Variants in ANKS1A observed in about 807,000 individuals in gnomAD.
ANKS1A encodes ankyrin repeat and sterile alpha motif domain containing 1A, also known as ankyrin repeat and SAM domain-containing protein 1A.
In ANKS1A, 55 loss-of-function variants were observed where a neutral mutation model predicts 120.3. That is an observed-to-expected ratio of 0.46 (90% CI 0.37 to 0.57). ANKS1A has a LOEUF of 0.57. Among genes scored for constraint, ANKS1A ranks in the 20% least tolerant of loss-of-function variants. The pLI, the probability that ANKS1A is intolerant of heterozygous loss-of-function variation, is 0.00. For missense variants in ANKS1A, 1,123 were observed against 1,480.3 expected (o/e 0.76, Z 3.96); for synonymous variants, 590 against 604.7 (o/e 0.98, Z 0.36).
chr6:34,953,580 T>A lies in ANKS1A; in HGVS notation c.198-13659T>A, dbSNP rs142141811. On this transcript the variant is annotated intron_variant, in intron 1 of 23. Transcript: ENST00000360359. ...CTTCCCTTTTTCTTGCTAATGGCAT[T>A]CCATTCATCCATCATCACTTTACAG... 5.6e-3 allele frequency among the ~76,000 whole-genome samples: 852 copies of A among 152,346 alleles called. 8 individuals carry two copies. Among genetic ancestry groups the A allele is most frequent in the Non-Finnish European group, 9.6e-3 (656 of 68,022 alleles).
chr6:34,921,842 C>G (rs1425899619), intron 1 of ANKS1A, among the ~76,000 whole-genome samples: 3 of 152,108 alleles, frequency 2.0e-5, no homozygotes, highest in Admixed American at 1.3e-4. Context: ...GACTGAGGTG[C>G]ACACCGCCAT....
chr6:35,057,624 T>G lies in ANKS1A; in HGVS notation c.2078-2523T>G, dbSNP rs1325972602. Among the ~76,000 whole-genome samples the G allele has an allele frequency of 6.6e-6, 1 of 152,208 alleles. No homozygotes were observed. The highest frequency in any genetic ancestry group is 2.4e-5 in the African/African-American group (1 of 41,466). ...TTGGGATTTGGCCCTGGTTTCCCCCTTGCCCTTGGCCATCGCTGTCCTCCC... is the reference window on the plus strand; with the variant it reads ...TTGGGATTTGGCCCTGGTTTCCCCCGTGCCCTTGGCCATCGCTGTCCTCCC... On this transcript the variant is annotated intron_variant, in intron 12 of 23. Transcript: ENST00000360359. This position sits in a 1 kb window ranked among gnomAD's most constrained non-coding sequence, Gnocchi z 4.1.
chr6:35,096,148 C>T (rs114616503), downstream of ANKS1A, among the ~76,000 whole-genome samples: 1,179 of 152,308 alleles, frequency 7.7e-3, 6 homozygotes, highest in Non-Finnish European at 0.012. Context: ...TTTGTGCTCT[C>T]CATCTTCATG....
At chr6:34,983,489 G>A (rs1414936763) in intron 7 of ANKS1A, 64 bp downstream of exon 7, 3 of 1,307,300 alleles carry the variant, frequency 2.3e-6, no homozygotes, top group East Asian at 2.3e-5. Flanking sequence ...AAATTCGTGG[G>A]CAGAATGGAA....
intron 1 of ANKS1A, among the ~76,000 whole-genome samples, chr6:34,905,063 A>G (rs868431400): frequency 3.3e-5 from 5 of 152,214 alleles, no homozygotes; most frequent in Non-Finnish European, 7.3e-5. Context: ...TGCCTGCCTT[A>G]GCCTCCCAAA....
chr6:34,921,653 C>G (rs1768438787), intron 1 of ANKS1A, among the ~76,000 whole-genome samples: 1 of 152,194 alleles, frequency 6.6e-6, no homozygotes, highest in Non-Finnish European at 1.5e-5. Flanking sequence ...TCGTTAGTCT[C>G]TCACCCAAGC....
intron 20 of ANKS1A, among the ~76,000 whole-genome samples, 187 bp downstream of exon 20, chr6:35,083,690 G>T (rs1777808756): frequency 6.6e-6 from 1 of 152,156 alleles, no homozygotes; most frequent in African/African-American, 2.4e-5. Context: ...GGTGCCTGCT[G>T]TCAGCCCCGT....
intron 1 of ANKS1A, among the ~76,000 whole-genome samples, chr6:34,896,322 G>A (rs191782463): frequency 6.6e-5 from 10 of 152,018 alleles, no homozygotes; most frequent in South Asian, 2.1e-4. Context: ...TGCCTGCCTC[G>A]GCCTCCCAAA....
intron 11 of ANKS1A, among the ~76,000 whole-genome samples, chr6:35,030,770 A>G (rs1248999067): frequency 6.6e-6 from 1 of 152,166 alleles, no homozygotes; most frequent in African/African-American, 2.4e-5. Context: ...TTGTTCAGAT[A>G]TTTGAAGCTG....
At chr6:34,969,613 T>G (rs1231588222) in intron 2 of ANKS1A, among the ~76,000 whole-genome samples, 2 of 152,212 alleles carry the variant, frequency 1.3e-5, no homozygotes, top group Admixed American at 1.3e-4. Flanking sequence ...CACTAAATGC[T>G]CTGAATAATG....
At chr6:34,939,781 C>T (rs1769438295) in intron 1 of ANKS1A, among the ~76,000 whole-genome samples, 1 of 152,132 alleles carries the variant, frequency 6.6e-6, no homozygotes, top group African/African-American at 2.4e-5. Context: ...TTACAGCATT[C>T]CCTTGGTATT....
At chr6:35,074,887 G>A (rs1029322023) in intron 13 of ANKS1A, among the ~76,000 whole-genome samples, 6 of 152,210 alleles carry the variant, frequency 3.9e-5, no homozygotes, top group Non-Finnish European at 5.9e-5. Context: ...GGAGACTCCC[G>A]TGGCCAGCAG....
Position 34,989,249 on chromosome 6 carries a change from A to G in ANKS1A, c.1235A>G (p.Lys412Arg). The change falls in exon 9 of 24, where the codon AAG becomes AGG. Residue 412 changes from lysine to arginine, a missense_variant. By Grantham distance (26) the Lys-to-Arg change is conservative (BLOSUM62 2). Transcript: ENST00000360359. ...AGGGAACGTCCACCACCTCCAGCAA[A>G]GCCACCGCCCGATGAAGAGGAAGAA... is the stretch of plus-strand genomic sequence containing the variant. The part of the protein sequence containing the change: ...RPRERPPPPA[K>R]PPPDEEEEDH... 1 of 1,614,062 alleles carries G rather than the reference A, an allele frequency of 6.2e-7. No homozygotes were observed. The highest frequency in any genetic ancestry group is 8.5e-7 in the Non-Finnish European group (1 of 1,179,932).
chr6:34,992,253 G>A (rs1256193564), intron 9 of ANKS1A, among the ~76,000 whole-genome samples: 2 of 152,164 alleles, frequency 1.3e-5, no homozygotes, highest in East Asian at 1.9e-4. Flanking sequence ...GAGCAGAACC[G>A]GGTGCTCTCT....
chr6:34,992,002 G>A (rs1772602858), intron 9 of ANKS1A, among the ~76,000 whole-genome samples: 1 of 152,162 alleles, frequency 6.6e-6, no homozygotes, highest in African/African-American at 2.4e-5. Context: ...TTTATTGTGA[G>A]GATTTTTAAT....
intron 10 of ANKS1A, among the ~76,000 whole-genome samples, chr6:35,003,637 T>C (rs1373730875): frequency 6.6e-6 from 1 of 152,178 alleles, no homozygotes; most frequent in Non-Finnish European, 1.5e-5. Context: ...TGCTTACTGC[T>C]CCCTTGTTTG....
rs549439265 is a variant in ANKS1A at position 35,052,273 on chromosome 6, C to G, written c.2011-1826C>G. On this transcript the variant is annotated intron_variant, in intron 11 of 23. Transcript: ENST00000360359. Reference sequence around the variant, plus strand: ...GACCAGCCTGGACAACATGATGAAACCCCGCCTTTACAAAAAATAACAAAA... The same window carrying G: ...GACCAGCCTGGACAACATGATGAAAGCCCGCCTTTACAAAAAATAACAAAA... Among the ~76,000 whole-genome samples the G allele has an allele frequency of 2.0e-5, 3 of 151,962 alleles. No homozygotes were observed. The South Asian group carries it at 6.2e-4, about 32-fold the overall frequency.
chr6:35,037,015 A>G (rs908122285), intron 11 of ANKS1A, among the ~76,000 whole-genome samples: 7 of 152,266 alleles, frequency 4.6e-5, no homozygotes, highest in African/African-American at 1.7e-4. Flanking sequence ...TGAACAGACT[A>G]TGCATGTGAG....
downstream of ANKS1A, among the ~76,000 whole-genome samples, chr6:35,091,743 G>A (rs1003457991): frequency 2.0e-5 from 3 of 152,206 alleles, no homozygotes; most frequent in African/African-American, 4.8e-5. Flanking sequence ...GACATGAACC[G>A]AACATCTGCC....
Sources: allele counts gnomAD v4.1 joint callset (sites outside exome capture counted in the v4.1 genomes callset), GRCh38; gene constraint gnomAD v4.1.1; non-coding constraint Gnocchi (gnomAD v3.1); transcripts MANE v1.5; gene names NCBI Gene and HGNC (gene_info 2026-07-23, HGNC 2026-07-21).